The following HERC3 variants were observed in gnomAD, a reference collection of about 807,000 sequenced individuals.
The protein encoded by HERC3 is HECT and RLD domain containing E3 ubiquitin protein ligase 3, also known as probable E3 ubiquitin-protein ligase HERC3.
A neutral mutation model predicts 129.9 loss-of-function variants in HERC3; 58 were observed. The observed-to-expected ratio is 0.45, with a 90% CI of 0.36 to 0.56. The LOEUF (loss-of-function observed/expected upper bound fraction) is 0.56. Ranked by LOEUF, HERC3 falls within the 20% of genes least tolerant of loss-of-function variation. HERC3 has a pLI of 0.00. For missense variants in HERC3, 835 were observed against 1,244.2 expected (o/e 0.67, Z 4.95); for synonymous variants, 430 against 451.0 (o/e 0.95, Z 0.59).
At chr4:88,603,972 A>G (rs376047347) in intron 2 of HERC3, among the ~76,000 whole-genome samples, 19 of 152,344 alleles carry the variant, frequency 1.2e-4, no homozygotes, top group African/African-American at 4.6e-4. Context: ...GGAAATTTAA[A>G]GACAATTAAA....
chr4:88,612,624 A>C (rs1329343205), intron 3 of HERC3, among the ~76,000 whole-genome samples: 1 of 152,106 alleles, frequency 6.6e-6, no homozygotes, highest in East Asian at 1.9e-4. Flanking sequence ...TCACCTTTGC[A>C]TTCAGACATA....
rs1230619795 is a variant in HERC3, at chr4:88,616,547, A to T, written c.226+10498A>T. Reference sequence around the variant, plus strand: ...TACTGTAGACTTCCAGTTAGCTGTGATGGGGGTGAATCTTTGGATGGAGAG... The same window carrying T: ...TACTGTAGACTTCCAGTTAGCTGTGTTGGGGGTGAATCTTTGGATGGAGAG... On this transcript the variant is annotated intron_variant, in intron 3 of 25. Transcript: ENST00000402738. 2.0e-5 allele frequency among the ~76,000 whole-genome samples: 3 copies of T among 152,316 alleles called. No individual in the cohort carries two copies. In the East Asian group the frequency reaches 5.8e-4, roughly 29 times the overall value.
chr4:88,683,894 AT>A (rs1276594462), intron 21 of HERC3, among the ~76,000 whole-genome samples: 2 of 152,062 alleles, frequency 1.3e-5, no homozygotes, highest in Non-Finnish European at 2.9e-5. Context: ...ACATCATGAG[AT>A]TTTTTTGCAG....
intron 10 of HERC3, among the ~76,000 whole-genome samples, chr4:88,658,731 A>T (rs969405711): frequency 6.6e-6 from 1 of 152,162 alleles, no homozygotes; most frequent in African/African-American, 2.4e-5. Flanking sequence ...ATTTATTTAT[A>T]TTTGTACTTG....
At chr4:88,539,412 GC>G in the HERC3 span, among the ~76,000 whole-genome samples, 5 of 152,312 alleles carry the variant, frequency 3.3e-5, no homozygotes, top group African/African-American at 1.2e-4. Flanking sequence ...AAACAAAGCA[GC>G]CAGGAAGCTT....
the HERC3 span, among the ~76,000 whole-genome samples, chr4:88,545,430 C>CCTTTTTTTTTTTTTTTTTTTTT: frequency 5.7e-4 from 63 of 110,400 alleles, 4 homozygotes; most frequent in East Asian, 5.9e-3. Flanking sequence ...TTTGAGAATT[C>CCTTTTTTTTTTTTTTTTTTTTT]TTTTTTTTTT....
At chr4:88,526,682 C>G in the HERC3 span, among the ~76,000 whole-genome samples, 2 of 152,044 alleles carry the variant, frequency 1.3e-5, no homozygotes, top group African/African-American at 4.8e-5. Context: ...AATACAGGTG[C>G]ATGCCACCAC....
chr4:88,705,240 A>G (rs2924350), intron 25 of HERC3, among the ~76,000 whole-genome samples: 25,135 of 152,150 alleles, frequency 0.17, 2,596 homozygotes, highest in South Asian at 0.37. Flanking sequence ...TATGAAGTCA[A>G]ATTGTTTGGA....
chr4:88,626,540 A>G (rs6841558), intron 3 of HERC3, among the ~76,000 whole-genome samples: 8,074 of 152,212 alleles, frequency 0.053, 475 homozygotes, highest in African/African-American at 0.14. Context: ...ATAAGGTGAC[A>G]TTTTGATATA....
chr4:88,572,585 T>C, the HERC3 span, among the ~76,000 whole-genome samples: 1 of 151,782 alleles, frequency 6.6e-6, no homozygotes, highest in Non-Finnish European at 1.5e-5. Context: ...CCAAGGTGGG[T>C]GTATCACGAG....
At chr4:88,589,457 T>C (rs944126449), upstream of HERC3, among the ~76,000 whole-genome samples, 1 of 152,250 alleles carries the variant, frequency 6.6e-6, no homozygotes, top group Non-Finnish European at 1.5e-5. Flanking sequence ...ATATATTCCT[T>C]GGTACAATTA....
chr4:88,654,635 TTTAA>T (rs1300209373), intron 7 of HERC3, among the ~76,000 whole-genome samples: 21 of 151,284 alleles, frequency 1.4e-4, no homozygotes, highest in Non-Finnish European at 3.1e-4. Context: ...GAAACAGCAA[TTTAA>T]TTAATGTTTT....
At chr4:88,574,292 AG>A in the HERC3 span, among the ~76,000 whole-genome samples, 1 of 152,214 alleles carries the variant, frequency 6.6e-6, no homozygotes, top group Non-Finnish European at 1.5e-5. Flanking sequence ...ATCTTTTCAA[AG>A]TATTAGGGAT....
intron 23 of HERC3, among the ~76,000 whole-genome samples, chr4:88,703,637 T>C (rs62308721): frequency 0.18 from 27,412 of 152,160 alleles, 2,608 homozygotes; most frequent in East Asian, 0.24. Flanking sequence ...CAAGGAGTTA[T>C]AAAATGAACC....
In HERC3 at chr4:88,653,107, T is replaced by C. The variant is rs1383248492; in HGVS notation, c.685+17T>C. ...ATGAAAAAGGTAGGTAAACCCTTCA[T>C]ATGTATGTATTTAGTTTAAAAGCAC... On this transcript the variant is annotated intron_variant, in intron 6 of 25. Coordinates refer to ENST00000402738, the MANE Select transcript of HERC3 (RefSeq NM_014606.3). The C allele has an allele frequency of 2.5e-6, 4 of 1,610,520 alleles. No individual in the cohort carries two copies. The highest frequency in any genetic ancestry group is 1.3e-5 in the African/African-American group (1 of 74,846).
intron 3 of HERC3, among the ~76,000 whole-genome samples, chr4:88,643,396 A>T (rs1429414263): frequency 1.3e-5 from 2 of 152,192 alleles, no homozygotes; most frequent in African/African-American, 4.8e-5. Context: ...GCCAATTATA[A>T]TGTTTATATG....
At chr4:88,683,856 C>T (rs573823925) in intron 21 of HERC3, among the ~76,000 whole-genome samples, 59 of 152,240 alleles carry the variant, frequency 3.9e-4, no homozygotes, top group African/African-American at 1.2e-3. Flanking sequence ...TGAATGCAGC[C>T]CAGCACAAAC....
At chr4:88,536,497 C>T in the HERC3 span, among the ~76,000 whole-genome samples, 3 of 152,190 alleles carry the variant, frequency 2.0e-5, no homozygotes, top group African/African-American at 7.2e-5. Flanking sequence ...ACATTTATTA[C>T]TTCTTTACAA....
chr4:88,654,348 TCA>T (rs750687470), intron 7 of HERC3, among the ~76,000 whole-genome samples: 19,588 of 109,610 alleles, frequency 0.18, 1,688 homozygotes, highest in Admixed American at 0.26. Context: ...TGTAGATTTT[TCA>T]TATATATATA....
Sources: allele counts gnomAD v4.1 joint callset (sites outside exome capture counted in the v4.1 genomes callset), GRCh38; gene constraint gnomAD v4.1.1; transcripts MANE v1.5; gene names NCBI Gene and HGNC (gene_info 2026-07-23, HGNC 2026-07-21).